Variants in DIAPH2 observed in about 807,000 individuals in gnomAD.
The protein encoded by DIAPH2 is diaphanous related formin 2.
In DIAPH2, 35 loss-of-function variants were observed where a neutral mutation model predicts 92.7. The ratio of observed to expected loss-of-function variants is 0.38; its 90% CI spans 0.29 to 0.50. The LOEUF (loss-of-function observed/expected upper bound fraction) is 0.50. Among genes scored for constraint, DIAPH2 ranks in the 20% least tolerant of loss-of-function variants. DIAPH2 has a pLI of 0.94. For missense variants in DIAPH2, 701 were observed against 819.5 expected (o/e 0.86, Z 1.77); for synonymous variants, 301 against 280.4 (o/e 1.07, Z -0.73).
intron 26 of DIAPH2, among the ~76,000 whole-genome samples, chrX:97,432,766 C>T (rs1401468255): frequency 9.1e-6 from 1 of 110,437 alleles, no homozygotes; most frequent in Non-Finnish European, 1.9e-5. Flanking sequence ...GGATTACAGG[C>T]GTGAGCCACC....
At chrX:96,972,724 G>A (rs1173636002) in intron 17 of DIAPH2, among the ~76,000 whole-genome samples, 1 of 111,116 alleles carries the variant, frequency 9.0e-6, no homozygotes, top group East Asian at 2.8e-4. Flanking sequence ...CCTAGAGGTA[G>A]TATAATTAGA....
intron 23 of DIAPH2, among the ~76,000 whole-genome samples, chrX:97,311,397 A>G (rs755498866): frequency 8.9e-6 from 1 of 111,893 alleles, no homozygotes; most frequent in African/African-American, 3.2e-5. Context: ...TAATTCACTC[A>G]GAGCCAGCTG....
intron 9 of DIAPH2, among the ~76,000 whole-genome samples, chrX:96,929,693 C>T (rs957496069): frequency 1.8e-5 from 2 of 111,125 alleles, no homozygotes; most frequent in Non-Finnish European, 3.8e-5. Context: ...CCCATGCTAA[C>T]TATTAATTTA....
intron 26 of DIAPH2, among the ~76,000 whole-genome samples, chrX:97,510,319 G>A (rs1295949225): frequency 1.8e-5 from 2 of 111,654 alleles, no homozygotes; most frequent in African/African-American, 6.6e-5. Flanking sequence ...TTTGAGAAGT[G>A]TCTGTTCATA....
At chrX:97,045,848 A>ATTTTTTTTT (rs758666786) in intron 17 of DIAPH2, among the ~76,000 whole-genome samples, 2 of 64,422 alleles carry the variant, frequency 3.1e-5, no homozygotes, top group African/African-American at 1.2e-4. Context: ...GTATTTTAGG[A>ATTTTTTTTT]TTTTTTTTTT....
At chrX:97,110,163 G>T (rs2066969310) in intron 20 of DIAPH2, among the ~76,000 whole-genome samples, 1 of 111,580 alleles carries the variant, frequency 9.0e-6, no homozygotes, top group African/African-American at 3.3e-5. Flanking sequence ...AAATCAATCA[G>T]CACATATTGA....
intron 4 of DIAPH2, among the ~76,000 whole-genome samples, chrX:96,762,487 C>T (rs954803051): frequency 9.0e-6 from 1 of 110,842 alleles, no homozygotes; most frequent in African/African-American, 3.3e-5. Flanking sequence ...TTATAATTTT[C>T]AAGTATAATA....
chrX:97,530,139 T>C lies in DIAPH2; in HGVS notation c.3242-69114T>C, dbSNP rs748555033. 4.5e-5 allele frequency among the ~76,000 whole-genome samples: 5 copies of C among 111,914 alleles called. No homozygotes were observed. The East Asian group carries it at 1.1e-3, about 25-fold the overall frequency. Reference sequence around the variant, plus strand: ...AAAACATTGAGGGCTGTCAAGGCAGTCAGTACTGAAGGGGGCCAAAATCCT... The same window carrying C: ...AAAACATTGAGGGCTGTCAAGGCAGCCAGTACTGAAGGGGGCCAAAATCCT... On this transcript the variant is annotated intron_variant, in intron 26 of 26. Transcript: ENST00000324765.
At chrX:96,701,669 T>C (rs2063856336) in intron 1 of DIAPH2, 1 of 111,366 alleles carries the variant, frequency 9.0e-6, no homozygotes, top group Non-Finnish European at 1.9e-5. Flanking sequence ...AAGTTTAGAG[T>C]TATGTAAAGG....
intron 5 of DIAPH2, among the ~76,000 whole-genome samples, chrX:96,888,570 G>T (rs938323697): frequency 1.0e-4 from 4 of 39,561 alleles, no homozygotes; most frequent in Admixed American, 3.8e-4. Context: ...TATATACACA[G>T]ATATATATAT....
intron 9 of DIAPH2, among the ~76,000 whole-genome samples, chrX:96,921,420 G>A (rs1038484723): frequency 2.7e-5 from 3 of 111,429 alleles, no homozygotes; most frequent in African/African-American, 9.8e-5. Flanking sequence ...AGCTTCTTTT[G>A]ATCTGACTTA....
intron 25 of DIAPH2, among the ~76,000 whole-genome samples, chrX:97,387,054 G>GT (rs910792706): frequency 8.1e-5 from 9 of 110,779 alleles, no homozygotes; most frequent in Non-Finnish European, 1.5e-4. Context: ...GTTTTGTTTT[G>GT]TTTTTTTGTT....
chrX:97,319,777 G>A (rs1342214419), intron 23 of DIAPH2, among the ~76,000 whole-genome samples: 1 of 110,165 alleles, frequency 9.1e-6, no homozygotes, highest in Non-Finnish European at 1.9e-5. Context: ...GTGTAGGAAG[G>A]AATAGATGGG....
At chrX:96,889,322 T>G (rs1388570125) in intron 5 of DIAPH2, among the ~76,000 whole-genome samples, 1 of 111,714 alleles carries the variant, frequency 9.0e-6, no homozygotes, top group Non-Finnish European at 1.9e-5. Flanking sequence ...TTGAAAAGCC[T>G]ATTTTTTTTT....
chrX:97,465,504 CAA>C (rs1327112056), intron 26 of DIAPH2, among the ~76,000 whole-genome samples: 2 of 111,518 alleles, frequency 1.8e-5, no homozygotes, highest in African/African-American at 3.3e-5. Flanking sequence ...TTTAAGTTGT[CAA>C]GAGATGATTT....
intron 26 of DIAPH2, among the ~76,000 whole-genome samples, chrX:97,502,374 A>G (rs1300952939): frequency 8.9e-6 from 1 of 112,334 alleles, no homozygotes; most frequent in African/African-American, 3.2e-5. Context: ...GAACCCTTGG[A>G]GAACCAATTA....
At chrX:97,439,630 C>G (rs1362094656) in intron 26 of DIAPH2, among the ~76,000 whole-genome samples, 1 of 108,358 alleles carries the variant, frequency 9.2e-6, no homozygotes, top group Non-Finnish European at 1.9e-5. Flanking sequence ...ACCTGTAGTC[C>G]GAGCTACTCA....
At chrX:97,196,978 GT>G (rs1167275435) in intron 22 of DIAPH2, among the ~76,000 whole-genome samples, 2 of 110,159 alleles carry the variant, frequency 1.8e-5, no homozygotes, top group East Asian at 5.7e-4. Context: ...TGGAAATGGG[GT>G]TTCACCATGT....
At position 97,503,183 on chromosome X, in the gene DIAPH2, T is replaced by C. The variant is rs756365445; in HGVS notation, c.3241+73438T>C. On this transcript the variant is annotated intron_variant, in intron 26 of 26. Coordinates refer to ENST00000324765, the MANE Select transcript of DIAPH2 (RefSeq NM_006729.5). ...TGTTACTAAGTTCCAGACATTTTAC[T>C]AAGTGCTGAGGATACTGAGATAAAT... Among the ~76,000 whole-genome samples, 10 of 112,230 alleles carry C rather than the reference T, an allele frequency of 8.9e-5. No individual in the cohort carries two copies. In the South Asian group the frequency reaches 3.7e-3, roughly 41 times the overall value.
Sources: gnomAD v4.1 joint callset for allele counts (sites outside exome capture counted in the v4.1 genomes callset) on GRCh38, gnomAD v4.1.1 for gene constraint, MANE v1.5 for transcripts, NCBI Gene and HGNC (gene_info 2026-07-23, HGNC 2026-07-21) for gene names.